Variants in CRK observed in about 807,000 individuals in gnomAD.
CRK encodes the protein adapter molecule crk.
In CRK, 4 loss-of-function variants were observed where a neutral mutation model predicts 29.8. The ratio of observed to expected loss-of-function variants is 0.13; its 90% CI spans 0.07 to 0.31. The LOEUF is 0.31. CRK is among the 10% of genes least tolerant of loss of function. The pLI is 1.00. For missense variants in CRK, 274 were observed against 396.5 expected, an observed-to-expected ratio of 0.69 and a Z score of 2.62; for synonymous variants, 153 against 164.9, an observed-to-expected ratio of 0.93 and a Z score of 0.55.
intron 2 of CRK, among the ~76,000 whole-genome samples, chr17:1,432,278 C>G (rs1434589845): frequency 6.7e-6 from 1 of 149,172 alleles, no homozygotes; most frequent in Non-Finnish European, 1.5e-5. Flanking sequence ...CGCTTGAGGC[C>G]AGGAGTTTGA....
At chr17:1,452,663 G>A (rs900188730) in intron 1 of CRK, among the ~76,000 whole-genome samples, 3 of 152,034 alleles carry the variant, frequency 2.0e-5, no homozygotes, top group Admixed American at 6.6e-5. Flanking sequence ...GGTGGTGGGC[G>A]CCTGTAATTC....
chr17:1,447,607 C>CTTTT (rs34998406), intron 1 of CRK, among the ~76,000 whole-genome samples: 4 of 117,840 alleles, frequency 3.4e-5, no homozygotes, highest in Non-Finnish European at 6.7e-5. Flanking sequence ...TTCTCTTTTC[C>CTTTT]TTTTTTTTTT....
chr17:1,434,031 T>C (rs573685043), intron 2 of CRK, among the ~76,000 whole-genome samples: 1 of 152,050 alleles, frequency 6.6e-6, no homozygotes, highest in African/African-American at 2.4e-5. Context: ...GCAGCTTTAT[T>C]GGAACACAGC....
chr17:1,449,979 A>C (rs1236560344), intron 1 of CRK, among the ~76,000 whole-genome samples: 1 of 152,150 alleles, frequency 6.6e-6, no homozygotes, highest in Non-Finnish European at 1.5e-5. Context: ...CAGGTGGATT[A>C]CTTGAGGTCA....
rs924193373 is a variant in CRK, at chr17:1,422,144, CA to C, written c.*1368del. 2 of 150,370 alleles carry C rather than the reference CA, an allele frequency of 1.3e-5. No individual in the cohort carries two copies. Among genetic ancestry groups the C allele is most frequent in the African/African-American group, 4.9e-5 (2 of 41,018 alleles). 9.3% of individuals were successfully genotyped at this position (150,370 alleles called of 1,614,324 possible). ...CATAAGTAATTCACAATTGGTTCAA[CA>C]TTTTTTTTTCTTTTTTTTTTCCTTT... On this transcript the variant is annotated 3_prime_UTR_variant, in exon 3 of 3. Transcript: ENST00000300574.
At chr17:1,441,582 C>G (rs1390430946) in intron 1 of CRK, among the ~76,000 whole-genome samples, 1 of 151,898 alleles carries the variant, frequency 6.6e-6, no homozygotes, top group Admixed American at 6.6e-5. Context: ...ACCTCCACCT[C>G]CCGGGTTCAA....
At position 1,452,114 on chromosome 17, in the gene CRK, T is replaced by C. The variant is rs554240475; in HGVS notation, c.241+3763A>G. 8.5e-5 allele frequency among the ~76,000 whole-genome samples: 13 copies of C among 152,276 alleles called. No individual in the cohort carries two copies. In the East Asian group the frequency reaches 2.1e-3, roughly 25 times the overall value. ...CAAAAGAACGCTGGCTTTGAGAGTG[T>C]AGTGTAAAAGGGTCAGCTCTCAGGT... On this transcript the variant is annotated intron_variant, in intron 1 of 2. Transcript: ENST00000300574.
Position 1,423,336 on chromosome 17 carries a change from C to G in CRK, c.*177G>C, listed in dbSNP as rs1010251621. 1.1e-5 allele frequency: 9 copies of G among 803,204 alleles called. No individual in the cohort carries two copies. The highest frequency in any genetic ancestry group is 1.3e-5 in the Non-Finnish European group (7 of 530,794). The allele number at this position is 803,204 out of a possible 1,614,324, so 49.8% of individuals were successfully genotyped here. A position where few individuals can be genotyped will look rare whatever the true frequency, so the allele number is the denominator to read the frequency against. The stretch of plus-strand genomic sequence containing the variant: ...ACACACAAGCCCTCCAGTTCGTACC[C>G]TGAATATGGTAATTAAGACTAGGAA... On this transcript the variant is annotated 3_prime_UTR_variant, in exon 3 of 3. Coordinates refer to ENST00000300574, the MANE Select transcript of CRK (RefSeq NM_016823.4).
Position 1,456,220 on chromosome 17 carries a change from C to T in CRK, c.-103G>A, listed in dbSNP as rs939231301. On this transcript the variant is annotated 5_prime_UTR_variant, in exon 1 of 3. Transcript: ENST00000300574. Reference sequence around the variant, plus strand: ...ACCGGCTCCGGTTTCAGCTTCACAGCAGCGCCCGAAATGGCGGCGGCAGCC... The same window carrying T: ...ACCGGCTCCGGTTTCAGCTTCACAGTAGCGCCCGAAATGGCGGCGGCAGCC... 5 of 1,300,556 alleles carry T rather than the reference C, an allele frequency of 3.8e-6. No individual in the cohort carries two copies. In the African/African-American group the frequency reaches 7.8e-5, roughly 20 times the overall value. The allele number at this position is 1,300,556 out of a possible 1,614,324, so 80.6% of individuals were successfully genotyped here. A position where few individuals can be genotyped will look rare whatever the true frequency, so the allele number is the denominator to read the frequency against.
At chr17:1,437,568 T>C (rs2073896415) in intron 1 of CRK, among the ~76,000 whole-genome samples, 2 of 152,060 alleles carry the variant, frequency 1.3e-5, no homozygotes, top group South Asian at 4.2e-4. Flanking sequence ...TCATACTTGA[T>C]CAACGACGGG....
At chr17:1,441,532 C>T (rs1447652640) in intron 1 of CRK, among the ~76,000 whole-genome samples, 2 of 151,806 alleles carry the variant, frequency 1.3e-5, no homozygotes, top group East Asian at 3.9e-4. Context: ...ATTCTTGTCA[C>T]CCAGGCTGGA....
In CRK at chr17:1,456,017, A is replaced by C; in HGVS notation, c.101T>G (p.Val34Gly). ...VALLQGQRHG[V>G]FLVRDSSTSP... ...GGTGCTCGAGTCCCGCACCAGGAAC[A>C]CCCCGTGCCGCTGGCCCTGCAGCAG... is the stretch of plus-strand genomic sequence containing the variant. Residue 34 changes from valine to glycine, a missense_variant, in exon 1 of 3, where the codon GTG becomes GGG. Coordinates refer to ENST00000300574, the MANE Select transcript of CRK (RefSeq NM_016823.4). 1 of 1,597,264 alleles carries C rather than the reference A, an allele frequency of 6.3e-7. No homozygotes were observed.
intron 2 of CRK, among the ~76,000 whole-genome samples, chr17:1,431,576 A>T (rs1206342702): frequency 6.6e-6 from 1 of 152,038 alleles, no homozygotes; most frequent in Non-Finnish European, 1.5e-5. Context: ...AAAAGAAAAA[A>T]AAAAGAAACT....
In CRK at chr17:1,437,046, T is replaced by C; in HGVS notation, c.351A>G (p.Pro117=). 2 of 1,614,178 alleles carry C rather than the reference T, an allele frequency of 1.2e-6. No homozygotes were observed. Among genetic ancestry groups the C allele is most frequent in the South Asian group, 1.1e-5 (1 of 91,078 alleles). Residue 117 remains proline, a synonymous_variant, in exon 2 of 3, where the codon CCA becomes CCG. Coordinates refer to ENST00000300574, the MANE Select transcript of CRK (RefSeq NM_016823.4). ...CACTACCCTGCCTGGATCTGGAAAC[T>C]GGTTCTATCAACGTTGTAGTGTCCA... The part of the protein sequence containing the change: ...HYLDTTTLIE[P]VSRSRQGSGV...
At chr17:1,424,047 G>C (rs1359340135) in intron 2 of CRK, among the ~76,000 whole-genome samples, 2 of 151,260 alleles carry the variant, frequency 1.3e-5, no homozygotes, top group South Asian at 2.1e-4. Flanking sequence ...GGCCCTGTCC[G>C]AGGAGAAGCA....
chr17:1,427,260 C>T (rs1455564635), intron 2 of CRK, among the ~76,000 whole-genome samples: 5 of 150,032 alleles, frequency 3.3e-5, no homozygotes, highest in African/African-American at 1.2e-4. Context: ...TGCACCCCAC[C>T]CTGGTGGAGA....
intron 1 of CRK, among the ~76,000 whole-genome samples, chr17:1,438,363 C>T (rs1412425015): frequency 6.6e-6 from 1 of 152,056 alleles, no homozygotes; most frequent in Admixed American, 6.6e-5. Flanking sequence ...CACCTGGGCT[C>T]AAGCAATCCT....
intron 1 of CRK, among the ~76,000 whole-genome samples, chr17:1,438,929 G>A (rs1306315071): frequency 1.3e-5 from 2 of 151,808 alleles, no homozygotes; most frequent in Non-Finnish European, 2.9e-5. Flanking sequence ...TGCAGCCTCA[G>A]CCTCAAGCAA....
intron 1 of CRK, among the ~76,000 whole-genome samples, chr17:1,450,654 C>T (rs1157531458): frequency 6.6e-6 from 1 of 150,464 alleles, no homozygotes; most frequent in Non-Finnish European, 1.5e-5. Flanking sequence ...GAAGCCGAGG[C>T]GAGCGGATCA....
Sources: allele counts gnomAD v4.1 joint callset (sites outside exome capture counted in the v4.1 genomes callset), GRCh38; gene constraint gnomAD v4.1.1; transcripts MANE v1.5; gene names NCBI Gene and HGNC (gene_info 2026-07-23, HGNC 2026-07-21).